SLC30A6: variants seen among roughly 807,000 people sequenced by gnomAD.
The protein encoded by SLC30A6 is solute carrier family 30 member 6, also known as zinc transporter 6.
In SLC30A6, 55 loss-of-function variants were observed where a neutral mutation model predicts 63.0. The ratio of observed to expected loss-of-function variants is 0.87; its 90% CI spans 0.70 to 1.09. The LOEUF (loss-of-function observed/expected upper bound fraction) is 1.09, where lower values mean the gene tolerates loss of function less well. SLC30A6 is among the 50% of genes least tolerant of loss of function. SLC30A6 has a pLI of 0.00. For missense variants in SLC30A6, 587 were observed against 549.2 expected, an observed-to-expected ratio of 1.07 and a Z score of -0.69; for synonymous variants, 224 against 186.1, an observed-to-expected ratio of 1.20 and a Z score of -1.66.
intron 10 of SLC30A6, chr2:32,203,342 G>A: frequency 1.1e-6 from 1 of 922,316 alleles, no homozygotes. Context: ...TAAATGTGTA[G>A]GTATTCCTTC....
chr2:32,169,324 A>G (rs947117251), intron 1 of SLC30A6, among the ~76,000 whole-genome samples: 3 of 151,998 alleles, frequency 2.0e-5, no homozygotes, highest in African/African-American at 7.2e-5. Context: ...ATGTACCACT[A>G]TGCCTGGCTA....
chr2:32,181,595 G>C (rs1682318502), intron 4 of SLC30A6, among the ~76,000 whole-genome samples: 2 of 152,238 alleles, frequency 1.3e-5, no homozygotes, highest in South Asian at 4.1e-4. Context: ...GGCCGGGCGA[G>C]GTGGCTCACG....
chr2:32,197,855 G>A, intron 10 of SLC30A6, 29 bp downstream of exon 10: 2 of 1,610,670 alleles, frequency 1.2e-6, no homozygotes, highest in South Asian at 1.1e-5. Context: ...TGTCAAGTAT[G>A]TTTTGATTTC....
Position 32,221,608 on chromosome 2 carries a change from G to A in SLC30A6, c.*895G>A, listed in dbSNP as rs1035647845. On this transcript the variant is annotated 3_prime_UTR_variant, in exon 14 of 14. Transcript: ENST00000282587. Reference sequence around the variant, plus strand: ...TTTCTTTGAGGTTCTCCTGAATTATGTCTTACAAACTAAAAGCAAAAATTT... The same window carrying A: ...TTTCTTTGAGGTTCTCCTGAATTATATCTTACAAACTAAAAGCAAAAATTT... The A allele has an allele frequency of 6.6e-6, 1 of 152,108 alleles. No individual in the cohort carries two copies. Among genetic ancestry groups the A allele is most frequent in the Non-Finnish European group, 1.5e-5 (1 of 68,010 alleles). The allele number at this position is 152,108 out of a possible 1,614,324, so 9.4% of individuals were successfully genotyped here.
rs111509093 is a variant in SLC30A6, at chr2:32,207,615, T to C, written c.816+682T>C. ...TGGTCTTGAACTCCTGACCTTGTGA[T>C]CCACCCGCCTCGGCCTCCCAAAGTG... On this transcript the variant is annotated intron_variant, in intron 12 of 13. Transcript: ENST00000282587. 4.5e-3 allele frequency among the ~76,000 whole-genome samples: 687 copies of C among 151,030 alleles called. 8 individuals carry two copies. The highest frequency in any genetic ancestry group is 0.015 in the African/African-American group (603 of 41,140).
At chr2:32,219,395 C>T (rs1685972441) in intron 13 of SLC30A6, among the ~76,000 whole-genome samples, 1 of 151,696 alleles carries the variant, frequency 6.6e-6, no homozygotes. Flanking sequence ...CCTCTCTTCT[C>T]TCTCCCTCCT....
chr2:32,184,401 C>T (rs371639794), intron 5 of SLC30A6, 63 bp downstream of exon 5: 31 of 884,162 alleles, frequency 3.5e-5, no homozygotes, highest in Middle Eastern at 3.2e-4. Context: ...TTATAGTAGA[C>T]GATAAAGAGC....
Position 32,220,592 on chromosome 2 carries a change from G to A in SLC30A6, c.1265G>A (p.Ser422Asn). 6.2e-7 allele frequency: 1 copy of A among 1,614,180 alleles called. No individual in the cohort carries two copies. The highest frequency in any genetic ancestry group is 1.1e-5 in the South Asian group (1 of 91,092). Reference protein sequence around the residue: ...GLNHGHTPYSSMLNQGLGVPG... With the variant: ...GLNHGHTPYSNMLNQGLGVPG... ...AATCATGGACACACACCTTACAGCA[G>A]CATGCTTAATCAAGGACTTGGAGTT... Residue 422 changes from serine (S) to asparagine (N), a missense_variant, in exon 14 of 14, where the codon AGC (serine) becomes AAC (asparagine). Transcript: ENST00000282587.
intron 1 of SLC30A6, among the ~76,000 whole-genome samples, chr2:32,166,888 A>G (rs574924997): frequency 1.3e-5 from 2 of 152,310 alleles, no homozygotes; most frequent in African/African-American, 4.8e-5. Flanking sequence ...GCCTTCAGTT[A>G]CGCTCTTCTT....
chr2:32,192,986 T>G (rs1411948058), intron 7 of SLC30A6, 33 bp downstream of exon 7: 2 of 1,324,118 alleles, frequency 1.5e-6, no homozygotes, highest in Admixed American at 4.2e-5. Context: ...TAATTTACTA[T>G]TGATTCTTAA....
At chr2:32,178,234 A>G (rs1226527561) in intron 4 of SLC30A6, among the ~76,000 whole-genome samples, 1 of 151,810 alleles carries the variant, frequency 6.6e-6, no homozygotes, top group Non-Finnish European at 1.5e-5. Context: ...GACGTGAGCC[A>G]CCGCACCCGG....
chr2:32,191,707 G>A (rs966643671), intron 5 of SLC30A6, among the ~76,000 whole-genome samples: 4 of 151,888 alleles, frequency 2.6e-5, no homozygotes, highest in African/African-American at 9.7e-5. Context: ...TCTTCTTCGT[G>A]TCCTAAACTT....
chr2:32,197,394 T>C lies in SLC30A6; in HGVS notation c.545+2T>C, dbSNP rs1287242836. 1 of 1,612,802 alleles carries C rather than the reference T, an allele frequency of 6.2e-7. No homozygotes were observed. The highest frequency in any genetic ancestry group is 1.1e-5 in the South Asian group (1 of 90,996). On this transcript the variant is annotated splice_donor_variant, in intron 9 of 13. Transcript: ENST00000282587. LOFTEE classifies it high-confidence loss of function. ...GCATGTTGCAGATCTTAGTCGAAGG[T>C]AAGATGTTATGGAGTTTCATGATAT...
intron 2 of SLC30A6, among the ~76,000 whole-genome samples, chr2:32,172,820 A>G (rs1400101796): frequency 2.6e-5 from 4 of 152,110 alleles, no homozygotes; most frequent in Non-Finnish European, 2.9e-5. Flanking sequence ...TTTCGTTTCT[A>G]TCCTCAAGCT....
At chr2:32,198,448 C>G (rs1252872015) in intron 10 of SLC30A6, among the ~76,000 whole-genome samples, 2 of 152,182 alleles carry the variant, frequency 1.3e-5, no homozygotes, top group Admixed American at 6.5e-5. Context: ...TCTACTTTAA[C>G]TGAACCTATT....
chr2:32,174,274 G>T, intron 3 of SLC30A6, 127 bp downstream of exon 3: 1 of 562,932 alleles, frequency 1.8e-6, no homozygotes, highest in Non-Finnish European at 2.9e-6. Context: ...TTTAAATAAG[G>T]GACTATATTT....
chr2:32,203,469 G>C (rs1482125469), intron 10 of SLC30A6: 3 of 1,586,712 alleles, frequency 1.9e-6, no homozygotes, highest in South Asian at 2.2e-5. Flanking sequence ...GAAGAGAAAG[G>C]GGCAGTGGAT....
chr2:32,194,871 C>G (rs908448252), intron 8 of SLC30A6, among the ~76,000 whole-genome samples: 1 of 152,050 alleles, frequency 6.6e-6, no homozygotes, highest in African/African-American at 2.4e-5. Context: ...TTATAAAATA[C>G]TATAACACTT....
rs1397048027 is a variant in SLC30A6, at chr2:32,171,330, G to T, written c.47G>T (p.Gly16Val). Residue 16 changes from glycine (G) to valine (V), a missense_variant, in exon 2 of 14, where the codon GGC (glycine) becomes GTC (valine). Transcript: ENST00000282587. The part of the protein sequence containing the change: ...LFRKPQRSFF[G>V]KLLREFRLVA... ...CGAAAACCACAAAGATCCTTTTTTG[G>T]CAAGTTGTTACGGGAATTTAGACTT... 9.3e-6 allele frequency: 15 copies of T among 1,613,512 alleles called. No individual in the cohort carries two copies. The highest frequency in any genetic ancestry group is 1.2e-5 in the Non-Finnish European group (14 of 1,179,770).
Sources: allele counts gnomAD v4.1 joint callset (sites outside exome capture counted in the v4.1 genomes callset), GRCh38; gene constraint gnomAD v4.1.1; transcripts MANE v1.5; gene names NCBI Gene and HGNC (gene_info 2026-07-23, HGNC 2026-07-21).